Variants in LRP4 observed in about 807,000 individuals in gnomAD.
The protein encoded by LRP4 is low-density lipoprotein receptor-related protein 4.
Under a neutral mutation model 220.3 loss-of-function variants are expected in LRP4, and 95 were observed. The ratio of observed to expected loss-of-function variants is 0.43; its 90% CI spans 0.37 to 0.51. The LOEUF (loss-of-function observed/expected upper bound fraction) is 0.51, where lower values mean the gene tolerates loss of function less well. Among genes scored for constraint, LRP4 ranks in the 20% least tolerant of loss-of-function variants. The probability of loss-of-function intolerance (pLI) is 0.00; values close to 1 mark genes in which losing one functional copy is unlikely to be tolerated. For synonymous variants in LRP4, 903 were observed against 954.6 expected (o/e 0.95, Z 1.00); for missense variants, 1,925 against 2,567.0 (o/e 0.75, Z 5.40).
At chr11:46,911,262 GCTAT>G (rs1417750588) in intron 1 of LRP4, among the ~76,000 whole-genome samples, 2 of 152,030 alleles carry the variant, frequency 1.3e-5, no homozygotes, top group Non-Finnish European at 2.9e-5. Flanking sequence ...CCAATGCCAG[GCTAT>G]CTTTGTATAG....
At chr11:46,904,075 C>G (rs189269579) in intron 1 of LRP4, among the ~76,000 whole-genome samples, 360 of 152,342 alleles carry the variant, frequency 2.4e-3, no homozygotes, top group African/African-American at 7.3e-3. Context: ...CACTCTCCCC[C>G]CTCCCAGCAT....
intron 30 of LRP4, among the ~76,000 whole-genome samples, chr11:46,872,164 G>A (rs1259008991): frequency 6.6e-6 from 1 of 152,192 alleles, no homozygotes; most frequent in African/African-American, 2.4e-5. Flanking sequence ...GCTGCGGCAC[G>A]AGAATGGCTT....
At position 46,869,144 on chromosome 11, in the gene LRP4, G is replaced by A. The variant is rs754262910; in HGVS notation, c.4693-12C>T. The A allele has an allele frequency of 6.2e-7, 1 of 1,613,462 alleles. No individual in the cohort carries two copies. Reference sequence around the variant, plus strand: ...ATCCACCTGTCTTGCTACTCAACAGGGGAAGCCCAAAAACAGTAAATATTA... The same window carrying A: ...ATCCACCTGTCTTGCTACTCAACAGAGGAAGCCCAAAAACAGTAAATATTA... On this transcript the variant is annotated splice_polypyrimidine_tract_variant and intron_variant, in intron 31 of 37. Transcript: ENST00000378623.
chr11:46,861,937 G>A (rs1020645033), intron 37 of LRP4, among the ~76,000 whole-genome samples: 8 of 151,774 alleles, frequency 5.3e-5, no homozygotes, highest in Non-Finnish European at 1.0e-4. Flanking sequence ...GCATGGTGGC[G>A]CATGCCTGTA....
At chr11:46,886,259 G>GGT in intron 17 of LRP4, 66 bp downstream of exon 17, 7 of 1,600,320 alleles carry the variant, frequency 4.4e-6, no homozygotes, top group Non-Finnish European at 6.0e-6. Context: ...GGTTGGCAAA[G>GGT]GTATGGGAAG....
intron 20 of LRP4, among the ~76,000 whole-genome samples, chr11:46,881,058 C>CAAAAAAAAAAAAAAAAAA (rs60125188): frequency 3.6e-5 from 2 of 56,106 alleles, no homozygotes; most frequent in Non-Finnish European, 6.1e-5. Context: ...TCTAAAAAAC[C>CAAAAAAAAAAAAAAAAAA]AAAAAAAAAA....
intron 11 of LRP4, 95 bp from the exon 12 acceptor site, chr11:46,894,914 C>A: frequency 8.7e-7 from 1 of 1,152,804 alleles, no homozygotes. Context: ...GAGCCACTTG[C>A]TCACAAGGAC....
Position 46,881,708 on chromosome 11 carries a change from C to A in LRP4, c.2808G>T (p.Lys936Asn), listed in dbSNP as rs749076731. The A allele has an allele frequency of 6.2e-7, 1 of 1,613,514 alleles. No homozygotes were observed. The highest frequency in any genetic ancestry group is 1.1e-5 in the South Asian group (1 of 91,064). The change falls in exon 20 of 38, where the codon AAG becomes AAT. Residue 936 changes from lysine to asparagine, a missense_variant. Physicochemically the swap from Lys to Asn is moderately conservative, Grantham distance 94. This residue lies in a region of LRP4 where 1,244 missense variants were observed against 1,624.9 expected (regional missense o/e 0.77). Coordinates refer to ENST00000378623, the MANE Select transcript of LRP4 (RefSeq NM_002334.4). Reference sequence around the variant, plus strand: ...CTCTTACTGCCACCCTTACCTTCCTCTTACTGCCATCCAGTCCAGCAAATT... The same window carrying A: ...CTCTTACTGCCACCCTTACCTTCCTATTACTGCCATCCAGTCCAGCAAATT... ...TIEFAGLDGS[K>N]RKVLIGSQLP...
rs1941179308 is a variant in LRP4, at chr11:46,882,261, C to T, written c.2613-358G>A. Among the ~76,000 whole-genome samples, 3 of 152,030 alleles carry T rather than the reference C, an allele frequency of 2.0e-5. No homozygotes were observed. In the South Asian group the frequency reaches 6.2e-4, roughly 32 times the overall value. ...CAGCACTTTGGGAGGCTGAGAGTAT[C>T]ACTTGAGCCCAGAAGTTTGAGACCA... is the stretch of plus-strand genomic sequence containing the variant. On this transcript the variant is annotated intron_variant, in intron 19 of 37. Transcript: ENST00000378623.
intron 12 of LRP4, 132 bp downstream of exon 12, chr11:46,894,457 C>T (rs182338888): frequency 1.4e-6 from 1 of 715,962 alleles, no homozygotes; most frequent in Non-Finnish European, 2.5e-6. Flanking sequence ...TATATTAGGG[C>T]TCCAACTAAG....
rs1217157435 is a variant in LRP4 at position 46,899,321 on chromosome 11, C to T, written c.547+66G>A. ...GGTACATGCACTCCTCAGCCTCGCC[C>T]TTAGCCAATGGGCAGAACTGTCTGC... On this transcript the variant is annotated intron_variant, in intron 5 of 37. Transcript: ENST00000378623. The surrounding 1 kb of genome is among the most constrained non-coding windows in gnomAD (Gnocchi z 5.9). The T allele has an allele frequency of 1.9e-5, 25 of 1,322,670 alleles. No homozygotes were observed. Among genetic ancestry groups the T allele is most frequent in the Non-Finnish European group, 2.3e-5 (21 of 915,732 alleles). The allele number at this position is 1,322,670 out of a possible 1,614,324, so 81.9% of individuals were successfully genotyped here.
intron 36 of LRP4, among the ~76,000 whole-genome samples, chr11:46,863,993 C>T (rs1458837307): frequency 6.6e-6 from 1 of 152,156 alleles, no homozygotes; most frequent in Non-Finnish European, 1.5e-5. Context: ...TTATAAATGA[C>T]ACATTCTACC....
chr11:46,899,387 G>T lies in LRP4; in HGVS notation c.547C>A (p.Pro183Thr). 3.1e-6 allele frequency: 5 copies of T among 1,611,856 alleles called. No individual in the cohort carries two copies. The highest frequency in any genetic ancestry group is 4.2e-6 in the Non-Finnish European group (5 of 1,178,010). Residue 183 changes from proline to threonine, a missense_variant and splice_region_variant, in exon 5 of 38, where the codon CCC becomes ACC. This residue lies in a region of LRP4 where 412 missense variants were observed against 505.4 expected (regional missense o/e 0.82). Transcript: ENST00000378623. The surrounding 1 kb of genome is among the most constrained non-coding windows in gnomAD (Gnocchi z 5.9). ...CAGCCTGAGGTCTGGGGCCACTCAC[G>T]ACAGTTCTCCTCATCGGAGCCATCT... is the stretch of plus-strand genomic sequence containing the variant. ...CKDGSDEENC[P>T]SAVPAPPCNL...
chr11:46,910,479 T>C (rs1406373232), intron 1 of LRP4, among the ~76,000 whole-genome samples: 5 of 152,314 alleles, frequency 3.3e-5, no homozygotes, highest in African/African-American at 4.8e-5. Flanking sequence ...AGATTTGGCT[T>C]ACCCCAGAAC....
chr11:46,917,008 G>A (rs1342974694), intron 1 of LRP4, among the ~76,000 whole-genome samples: 2 of 152,250 alleles, frequency 1.3e-5, no homozygotes, highest in African/African-American at 2.4e-5. Flanking sequence ...CGGAGAGAAA[G>A]AGCTCAGTCC....
rs769749835 is a variant in LRP4, at chr11:46,896,302, C to T, written c.956G>A (p.Cys319Tyr). ...CTGCCCAATGCAGCGCCCATTCCAACACAGGAACTGGTCCAAGGCACATTG... is the reference window on the plus strand; with the variant it reads ...CTGCCCAATGCAGCGCCCATTCCAATACAGGAACTGGTCCAAGGCACATTG... The part of the protein sequence containing the change: ...SPQCALDQFL[C>Y]WNGRCIGQRK... The change falls in exon 9 of 38, where the codon TGT (cysteine) becomes TAT (tyrosine). Residue 319 changes from cysteine to tyrosine, a missense_variant. By Grantham distance (194) the Cys-to-Tyr change is radical. Transcript: ENST00000378623. 5.0e-6 allele frequency: 8 copies of T among 1,614,170 alleles called. No homozygotes were observed. Among genetic ancestry groups the T allele is most frequent in the Non-Finnish European group, 6.8e-6 (8 of 1,180,042 alleles).
chr11:46,904,452 A>G (rs1941724768), intron 1 of LRP4, among the ~76,000 whole-genome samples: 1 of 151,980 alleles, frequency 6.6e-6, no homozygotes, highest in Non-Finnish European at 1.5e-5. Context: ...AAGTGCAAGC[A>G]TAAGGTAAAA....
rs184255300 is a variant in LRP4 at position 46,900,458 on chromosome 11, C to T, written c.200-80G>A. 3.4e-6 allele frequency: 3 copies of T among 883,026 alleles called. No homozygotes were observed. The East Asian group carries it at 7.2e-5, about 21-fold the overall frequency. 54.7% of individuals were successfully genotyped at this position (883,026 alleles called of 1,614,324 possible). A position where few individuals can be genotyped will look rare whatever the true frequency, so the allele number is the denominator to read the frequency against. On this transcript the variant is annotated intron_variant, in intron 2 of 37. Transcript: ENST00000378623. The stretch of plus-strand genomic sequence containing the variant: ...CTCAACTAGGCCAGATAGCCTTTTG[C>T]TCCAAATCCCCTTGTCTTTTTTTCT...
chr11:46,912,676 G>C (rs1368191954), intron 1 of LRP4, among the ~76,000 whole-genome samples: 6 of 152,180 alleles, frequency 3.9e-5, no homozygotes, highest in Non-Finnish European at 8.8e-5. Context: ...ACAGGAAGTG[G>C]AGCTGCCGAG....
Sources: gnomAD v4.1 joint callset for allele counts (sites outside exome capture counted in the v4.1 genomes callset) on GRCh38, gnomAD v4.1.1 for gene constraint, gnomAD v4.1.1 regional missense constraint, Gnocchi (gnomAD v3.1) non-coding constraint, MANE v1.5 for transcripts, NCBI Gene and HGNC (gene_info 2026-07-23, HGNC 2026-07-21) for gene names.